The following ATRN variants were observed in gnomAD, a reference collection of about 807,000 sequenced individuals.
ATRN encodes the protein attractin-2.
Under a neutral mutation model 178.7 loss-of-function variants are expected in ATRN, and 54 were observed. That is an observed-to-expected ratio of 0.30 (90% CI 0.24 to 0.38). ATRN has a LOEUF of 0.38. Among genes scored for constraint, ATRN ranks in the 10% least tolerant of loss-of-function variants. The probability of loss-of-function intolerance (pLI) is 1.00; values close to 1 mark genes in which losing one functional copy is unlikely to be tolerated. For missense variants in ATRN, 1,443 were observed against 1,815.1 expected (o/e 0.79, Z 3.73); for synonymous variants, 636 against 663.0 (o/e 0.96, Z 0.63).
At chr20:3,494,993 G>A (rs1306257792) in intron 1 of ATRN, among the ~76,000 whole-genome samples, 1 of 152,138 alleles carries the variant, frequency 6.6e-6, no homozygotes, top group African/African-American at 2.4e-5. Flanking sequence ...GGGTATAGTA[G>A]AATGTCCTAA....
At chr20:3,627,803 A>G (rs1207942879) in intron 25 of ATRN, among the ~76,000 whole-genome samples, 1 of 152,244 alleles carries the variant, frequency 6.6e-6, no homozygotes, top group Non-Finnish European at 1.5e-5. Context: ...ATAGTTCTGT[A>G]TCCATTTTTA....
intron 1 of ATRN, among the ~76,000 whole-genome samples, chr20:3,494,540 G>A (rs1350787650): frequency 6.6e-6 from 1 of 152,168 alleles, no homozygotes; most frequent in Non-Finnish European, 1.5e-5. Flanking sequence ...ATTGGCCTTA[G>A]CAAGGGGATC....
At chr20:3,587,636 A>T (rs1195051061) in intron 18 of ATRN, among the ~76,000 whole-genome samples, 1 of 152,092 alleles carries the variant, frequency 6.6e-6, no homozygotes, top group African/African-American at 2.4e-5. Context: ...GTGGCTTTGT[A>T]TAAGTTTTAA....
At chr20:3,486,501 G>C (rs758124662) in intron 1 of ATRN, among the ~76,000 whole-genome samples, 1 of 151,786 alleles carries the variant, frequency 6.6e-6, no homozygotes, top group South Asian at 2.1e-4. Flanking sequence ...TCTGTTTCCC[G>C]AGTTCAAGCG....
intron 24 of ATRN, among the ~76,000 whole-genome samples, chr20:3,620,373 A>G (rs2086887912): frequency 6.6e-6 from 1 of 152,146 alleles, no homozygotes; most frequent in Non-Finnish European, 1.5e-5. Flanking sequence ...CAGCCCCCCA[A>G]GTAGCTGGGA....
intron 12 of ATRN, among the ~76,000 whole-genome samples, chr20:3,574,773 T>A (rs947550417): frequency 4.6e-5 from 7 of 152,236 alleles, no homozygotes; most frequent in African/African-American, 1.7e-4. Flanking sequence ...TTCAGTTCCC[T>A]GTTTCACCCC....
At chr20:3,631,739 G>A (rs1263058033) in intron 25 of ATRN, among the ~76,000 whole-genome samples, 2 of 152,168 alleles carry the variant, frequency 1.3e-5, no homozygotes, top group East Asian at 1.9e-4. Context: ...CAGGGTCCTC[G>A]CCTCTCAGCA....
chr20:3,567,953 C>G (rs577033238), intron 11 of ATRN, among the ~76,000 whole-genome samples: 7 of 152,288 alleles, frequency 4.6e-5, no homozygotes, highest in African/African-American at 1.7e-4. Context: ...CTAGTTGAAT[C>G]TAGCCTGCTT....
In ATRN at chr20:3,485,610, G is replaced by GT. The variant is rs3084238; in HGVS notation, c.410+14122dup. On this transcript the variant is annotated intron_variant, in intron 1 of 28. Transcript: ENST00000262919. ...TGGTTTGCCAATACATTTTTTTGAG[G>GT]TTTTTTTTTTTTTTTTTTTTTTTTT... Among the ~76,000 whole-genome samples the GT allele has an allele frequency of 2.1e-3, 144 of 67,904 alleles. 21 individuals carry two copies. Among genetic ancestry groups the GT allele is most frequent in the African/African-American group, 5.1e-3 (92 of 18,120 alleles). 44.5% of individuals were successfully genotyped at this position (67,904 alleles called of 152,430 possible).
chr20:3,512,085 T>TTATATATA (rs1212714416), intron 1 of ATRN, among the ~76,000 whole-genome samples: 1 of 119,786 alleles, frequency 8.3e-6, no homozygotes, highest in Non-Finnish European at 1.7e-5. Flanking sequence ...CTTTTTTCTT[T>TTATATATA]TATATATATA....
In ATRN at chr20:3,638,316, T is replaced by C. The variant is rs2087041098; in HGVS notation, c.3943-512T>C. On this transcript the variant is annotated intron_variant, in intron 26 of 28. Transcript: ENST00000262919. This position sits in a 1 kb window ranked among gnomAD's most constrained non-coding sequence, Gnocchi z 4.5. ...ACCCCTGACAGGCCCCAGTGTGTGA[T>C]GTTCCCTTCCCTGTGTCCATGTGTT... is the stretch of plus-strand genomic sequence containing the variant. Among the ~76,000 whole-genome samples, 1 of 152,144 alleles carries C rather than the reference T, an allele frequency of 6.6e-6. No homozygotes were observed. Among genetic ancestry groups the C allele is most frequent in the African/African-American group, 2.4e-5 (1 of 41,444 alleles).
intron 24 of ATRN, among the ~76,000 whole-genome samples, chr20:3,617,263 A>C (rs1287011410): frequency 6.6e-6 from 1 of 152,204 alleles, no homozygotes; most frequent in Non-Finnish European, 1.5e-5. Context: ...GTTAGAAGAT[A>C]GAAGAAAAGG....
Position 3,540,264 on chromosome 20 carries a change from A to C in ATRN, c.537A>C (p.Thr179=), listed in dbSNP as rs2146189445. Residue 179 remains threonine, a synonymous_variant, in exon 3 of 29, where the codon ACA becomes ACC. Coordinates refer to ENST00000262919, the MANE Select transcript of ATRN (RefSeq NM_139321.3). ...IMRLRFNHFA[T]ECSWDHLYVY... ...GACTTCGTTTCAATCATTTTGCTAC[A>C]GAGTGTAGTTGGGACCATTTATATG... 3 of 1,607,170 alleles carry C rather than the reference A, an allele frequency of 1.9e-6. No homozygotes were observed. Among genetic ancestry groups the C allele is most frequent in the Non-Finnish European group, 2.5e-6 (3 of 1,177,104 alleles).
At chr20:3,571,893 C>A (rs2086131041) in intron 11 of ATRN, among the ~76,000 whole-genome samples, 1 of 151,684 alleles carries the variant, frequency 6.6e-6, no homozygotes, top group Admixed American at 6.6e-5. Context: ...AGTTTTTTTT[C>A]ACTCTTAGGT....
chr20:3,490,880 C>T (rs1453983981), intron 1 of ATRN: 4 of 946,994 alleles, frequency 4.2e-6, no homozygotes, highest in Non-Finnish European at 7.0e-6. Flanking sequence ...ACCTATCTTG[C>T]ATGGCCTGAG....
rs568603714 is a variant in ATRN, at chr20:3,635,803, C to T, written c.3942+1414C>T. On this transcript the variant is annotated intron_variant, in intron 26 of 28. Transcript: ENST00000262919. Reference sequence around the variant, plus strand: ...ATGTTATCATAGAGGGAATGTTGCACACTCTTTATTATTATTTTTTAAATA... The same window carrying T: ...ATGTTATCATAGAGGGAATGTTGCATACTCTTTATTATTATTTTTTAAATA... Among the ~76,000 whole-genome samples the T allele has an allele frequency of 3.9e-5, 6 of 152,232 alleles. No individual in the cohort carries two copies. The East Asian group carries it at 7.7e-4, about 20-fold the overall frequency.
Position 3,510,777 on chromosome 20 carries a change from A to AT in ATRN, c.411-24469dup, listed in dbSNP as rs556254551. 1.8e-3 allele frequency among the ~76,000 whole-genome samples: 277 copies of AT among 151,694 alleles called. 2 individuals carry two copies. Among genetic ancestry groups the AT allele is most frequent in the Admixed American group, 3.0e-3 (46 of 15,230 alleles). ...CTTATTTTTCCACTATATAATTACT[A>AT]TTTTTTTCCTATTTGCAATCAATAA... On this transcript the variant is annotated intron_variant, in intron 1 of 28. Coordinates refer to ENST00000262919, the MANE Select transcript of ATRN (RefSeq NM_139321.3).
rs547360198 is a variant in ATRN, at chr20:3,568,925, A to G, written c.1871+3493A>G. On this transcript the variant is annotated intron_variant, in intron 11 of 28. Coordinates refer to ENST00000262919, the MANE Select transcript of ATRN (RefSeq NM_139321.3). ...ACTAACATAAGGCACAAAAATGCAT[A>G]AAACATGGCACTAGATACATCATGG... is the stretch of plus-strand genomic sequence containing the variant. 2.0e-5 allele frequency among the ~76,000 whole-genome samples: 3 copies of G among 152,314 alleles called. No individual in the cohort carries two copies. In the East Asian group the frequency reaches 5.8e-4, roughly 29 times the overall value.
intron 11 of ATRN, among the ~76,000 whole-genome samples, chr20:3,568,184 G>A (rs150408757): frequency 0.038 from 5,805 of 151,918 alleles, 148 homozygotes; most frequent in Non-Finnish European, 0.056. Flanking sequence ...CCAGCTTCTC[G>A]GGAGGCTGAG....
Sources: allele counts gnomAD v4.1 joint callset (sites outside exome capture counted in the v4.1 genomes callset), GRCh38; gene constraint gnomAD v4.1.1; non-coding constraint Gnocchi (gnomAD v3.1); transcripts MANE v1.5; gene names NCBI Gene and HGNC (gene_info 2026-07-23, HGNC 2026-07-21).